TTC17: variants seen among roughly 807,000 people sequenced by gnomAD.
The protein encoded by TTC17 is tetratricopeptide repeat protein 17.
Under a neutral mutation model 143.8 loss-of-function variants are expected in TTC17, and 58 were observed. The observed-to-expected ratio is 0.40, with a 90% CI of 0.33 to 0.50. The LOEUF (loss-of-function observed/expected upper bound fraction) is 0.50. Ranked by LOEUF, TTC17 falls within the 20% of genes least tolerant of loss-of-function variation. The probability of loss-of-function intolerance (pLI) is 0.49; values close to 1 mark genes in which losing one functional copy is unlikely to be tolerated. For synonymous variants in TTC17, 501 were observed against 497.8 expected, an observed-to-expected ratio of 1.01 and a Z score of -0.09; for missense variants, 1,273 against 1,392.5, an observed-to-expected ratio of 0.91 and a Z score of 1.37.
intron 8 of TTC17, among the ~76,000 whole-genome samples, chr11:43,398,957 A>G: frequency 6.6e-6 from 1 of 152,134 alleles, no homozygotes; most frequent in East Asian, 1.9e-4. Context: ...GCTCTTAATA[A>G]TTGAGCTGGC....
intron 10 of TTC17, among the ~76,000 whole-genome samples, chr11:43,402,600 C>G (rs958673795): frequency 1.3e-5 from 2 of 151,954 alleles, no homozygotes; most frequent in African/African-American, 2.4e-5. Context: ...AACTCTGAAA[C>G]TTTTTGAGCA....
At chr11:43,478,650 C>T (rs559673549) in intron 21 of TTC17, among the ~76,000 whole-genome samples, 2 of 152,048 alleles carry the variant, frequency 1.3e-5, no homozygotes, top group Non-Finnish European at 2.9e-5. Context: ...ATCTGTCACC[C>T]AGGCGAGAGT....
intron 8 of TTC17, 127 bp downstream of exon 8, chr11:43,398,240 C>T: frequency 8.4e-7 from 1 of 1,192,712 alleles, no homozygotes; most frequent in Non-Finnish European, 1.1e-6. Context: ...TACTGCAAGT[C>T]CTATCCTTTT....
chr11:43,405,939 CCATG>C lies in TTC17; in HGVS notation c.1752_1755del (p.Ala585GlufsTer47). 6.2e-7 allele frequency: 1 copy of C among 1,612,850 alleles called. No homozygotes were observed. The highest frequency in any genetic ancestry group is 8.5e-7 in the Non-Finnish European group (1 of 1,179,666). On this transcript the variant is annotated frameshift_variant, in exon 13 of 24. Transcript: ENST00000039989. LOFTEE classifies it high-confidence loss of function. ...ATCTGAAAGCCAAAATGCCAGATGACCATGCACGAAAAGTAAGGCTCACTTAGGC... is the reference window on the plus strand; with the variant it reads ...ATCTGAAAGCCAAAATGCCAGATGACCACGAAAAGTAAGGCTCACTTAGGC...
chr11:43,367,781 C>T (rs4354680), intron 1 of TTC17, among the ~76,000 whole-genome samples: 85,620 of 151,374 alleles, frequency 0.57, 25,068 homozygotes, highest in African/African-American at 0.69. Flanking sequence ...AAAGAGTTAT[C>T]TGTGCTCGTG....
At chr11:43,489,078 G>A (rs1457232114) in intron 21 of TTC17, among the ~76,000 whole-genome samples, 5 of 152,130 alleles carry the variant, frequency 3.3e-5, no homozygotes, top group Admixed American at 1.3e-4. Context: ...AAATTCTGTA[G>A]CAATCAAAAT....
intron 1 of TTC17, among the ~76,000 whole-genome samples, chr11:43,372,135 G>A (rs1856590067): frequency 6.6e-6 from 1 of 152,204 alleles, no homozygotes; most frequent in South Asian, 2.1e-4. Context: ...CTAAGGATGT[G>A]TAGGAACTCA....
intron 16 of TTC17, among the ~76,000 whole-genome samples, chr11:43,440,738 T>C (rs899633811): frequency 1.3e-5 from 2 of 152,120 alleles, no homozygotes; most frequent in Non-Finnish European, 2.9e-5. Context: ...CATCCTGTTA[T>C]TCTTCTGTTT....
At chr11:43,432,897 T>G (rs1947190899) in intron 16 of TTC17, among the ~76,000 whole-genome samples, 2 of 152,228 alleles carry the variant, frequency 1.3e-5, no homozygotes, top group East Asian at 3.8e-4. Context: ...AGGAGTAATT[T>G]TTAAAATTAG....
chr11:43,447,146 C>T (rs1297341009), intron 18 of TTC17, among the ~76,000 whole-genome samples: 3 of 152,012 alleles, frequency 2.0e-5, no homozygotes, highest in Non-Finnish European at 4.4e-5. Flanking sequence ...TATCATGCCA[C>T]GGCACTCTAG....
rs11284058 is a variant in TTC17 at position 43,366,505 on chromosome 11, CAA to C, written c.159+7407_159+7408del. ...TGCGTGACAGAGTGAGACTCTGCCT[CAA>C]AAAAAAAAAAAAAATTGAATTCAGA... On this transcript the variant is annotated intron_variant, in intron 1 of 23. Transcript: ENST00000039989. Among the ~76,000 whole-genome samples the C allele has an allele frequency of 2.0e-3, 240 of 122,002 alleles. No homozygotes were observed. The Middle Eastern group carries it at 0.022, about 11-fold the overall frequency. The allele number at this position is 122,002 out of a possible 152,430, so 80.0% of individuals were successfully genotyped here.
chr11:43,480,776 T>C (rs1456788600), intron 21 of TTC17, among the ~76,000 whole-genome samples: 1 of 151,542 alleles, frequency 6.6e-6, no homozygotes, highest in Non-Finnish European at 1.5e-5. Context: ...GTTAAATTTT[T>C]ACAGTAAAAT....
intron 9 of TTC17, 112 bp from the exon 10 acceptor site, chr11:43,401,334 C>G (rs750682941): frequency 9.6e-6 from 6 of 626,190 alleles, no homozygotes; most frequent in Middle Eastern, 6.5e-4. Context: ...ACGTAAGTAG[C>G]CTGCTAGGCT....
chr11:43,430,709 G>GCACACACACACACACACA (rs10658685), intron 16 of TTC17, among the ~76,000 whole-genome samples: 243 of 138,540 alleles, frequency 1.8e-3, no homozygotes, highest in South Asian at 2.4e-3. Flanking sequence ...CTACATACAC[G>GCACACACACACACACACA]CACACACACA....
At chr11:43,359,627 G>A (rs1004872302) in intron 1 of TTC17, among the ~76,000 whole-genome samples, 1 of 152,194 alleles carries the variant, frequency 6.6e-6, no homozygotes, top group African/African-American at 2.4e-5. Flanking sequence ...GTTTCTGGTT[G>A]TGTTGGTTTC....
chr11:43,405,479 A>C, intron 11 of TTC17, 35 bp from the exon 12 acceptor site: 1 of 1,531,748 alleles, frequency 6.5e-7, no homozygotes, highest in Non-Finnish European at 9.0e-7. Context: ...TATTGAATCC[A>C]AAGAAATTTA....
intron 23 of TTC17, 41 bp downstream of exon 23, chr11:43,492,204 A>G: frequency 6.3e-7 from 1 of 1,580,530 alleles, no homozygotes; most frequent in Non-Finnish European, 8.6e-7. Context: ...ACTCTGCCAA[A>G]CAGTAGCACA....
At chr11:43,365,211 C>G (rs1415051266) in intron 1 of TTC17, among the ~76,000 whole-genome samples, 2 of 152,128 alleles carry the variant, frequency 1.3e-5, no homozygotes, top group Non-Finnish European at 2.9e-5. Flanking sequence ...AGTGATCTTC[C>G]CACCACAACC....
chr11:43,408,158 T>C (rs1316622414), intron 15 of TTC17, among the ~76,000 whole-genome samples: 1 of 152,220 alleles, frequency 6.6e-6, no homozygotes, highest in Non-Finnish European at 1.5e-5. Flanking sequence ...TTATAATTGC[T>C]GTCATTTTAG....
Sources: allele counts gnomAD v4.1 joint callset (sites outside exome capture counted in the v4.1 genomes callset), GRCh38; gene constraint gnomAD v4.1.1; transcripts MANE v1.5; gene names NCBI Gene and HGNC (gene_info 2026-07-23, HGNC 2026-07-21).